ARHGAP24: variants seen among roughly 807,000 people sequenced by gnomAD.
ARHGAP24 encodes Rho GTPase activating protein 24.
In ARHGAP24, 50 loss-of-function variants were observed where a neutral mutation model predicts 76.4. The observed-to-expected ratio is 0.65, with a 90% confidence interval of 0.52 to 0.83. The LOEUF is 0.83. ARHGAP24 is among the 40% of genes least tolerant of loss of function. ARHGAP24 has a pLI of 0.00. For synonymous variants in ARHGAP24, 345 were observed against 323.3 expected, an observed-to-expected ratio of 1.07 and a Z score of -0.72; for missense variants, 930 against 914.2, an observed-to-expected ratio of 1.02 and a Z score of -0.22.
chr4:85,894,886 A>T (rs2148783286), intron 3 of ARHGAP24, among the ~76,000 whole-genome samples: 1 of 146,168 alleles, frequency 6.8e-6, no homozygotes, highest in South Asian at 2.3e-4. Flanking sequence ...TCTTGCACCC[A>T]GGAGGCAGAG....
chr4:85,495,420 G>A (rs372931273), intron 1 of ARHGAP24, among the ~76,000 whole-genome samples: 1 of 143,874 alleles, frequency 7.0e-6, no homozygotes. Flanking sequence ...GCGCGATCTC[G>A]GCTCACTGCA....
intron 7 of ARHGAP24, among the ~76,000 whole-genome samples, chr4:85,976,022 C>T (rs1260582515): frequency 1.3e-5 from 2 of 152,222 alleles, no homozygotes; most frequent in South Asian, 4.2e-4. Flanking sequence ...AATATGGAAG[C>T]TTATAATCCA....
chr4:85,533,990 C>A (rs1365712524), intron 1 of ARHGAP24, among the ~76,000 whole-genome samples: 1 of 152,108 alleles, frequency 6.6e-6, no homozygotes, highest in Non-Finnish European at 1.5e-5. Context: ...TGAATCTGCA[C>A]ATGAAAAGCT....
At chr4:85,484,728 T>C (rs1430837434) in intron 1 of ARHGAP24, among the ~76,000 whole-genome samples, 1 of 152,152 alleles carries the variant, frequency 6.6e-6, no homozygotes, top group Non-Finnish European at 1.5e-5. Flanking sequence ...GCGATTCTCC[T>C]GCCGTAGCCT....
At chr4:85,718,930 T>C (rs898979013) in intron 2 of ARHGAP24, among the ~76,000 whole-genome samples, 1 of 152,164 alleles carries the variant, frequency 6.6e-6, no homozygotes, top group African/African-American at 2.4e-5. Flanking sequence ...GTTGCTTGAA[T>C]TCAACTTATA....
chr4:85,700,258 A>G (rs893624170), intron 2 of ARHGAP24, among the ~76,000 whole-genome samples: 1 of 151,870 alleles, frequency 6.6e-6, no homozygotes, highest in Non-Finnish European at 1.5e-5. Flanking sequence ...AGCCAGGTGT[A>G]AGGATGGGTG....
chr4:85,565,525 C>T (rs752357416), intron 1 of ARHGAP24, among the ~76,000 whole-genome samples: 17 of 152,142 alleles, frequency 1.1e-4, no homozygotes, highest in Non-Finnish European at 1.9e-4. Flanking sequence ...CTCACTCACC[C>T]CACCAGACGC....
At chr4:85,917,282 T>G (rs1735469415) in intron 3 of ARHGAP24, among the ~76,000 whole-genome samples, 1 of 152,142 alleles carries the variant, frequency 6.6e-6, no homozygotes, top group Admixed American at 6.5e-5. Flanking sequence ...ATGGTGTATA[T>G]GTGCCACATT....
intron 3 of ARHGAP24, among the ~76,000 whole-genome samples, chr4:85,904,540 A>G (rs2148793699): frequency 6.6e-6 from 1 of 152,334 alleles, no homozygotes; most frequent in South Asian, 2.1e-4. Flanking sequence ...TACTAAATGA[A>G]ATTTGACAGG....
intron 4 of ARHGAP24, among the ~76,000 whole-genome samples, chr4:85,936,010 G>T (rs1736613592): frequency 1.3e-5 from 2 of 152,136 alleles, no homozygotes; most frequent in African/African-American, 2.4e-5. Context: ...AATAAGCTTT[G>T]CCTTGCTTTG....
intron 5 of ARHGAP24, among the ~76,000 whole-genome samples, chr4:85,961,876 T>C (rs1273685376): frequency 1.3e-5 from 2 of 152,062 alleles, no homozygotes; most frequent in Non-Finnish European, 2.9e-5. Context: ...CTTGGTTACA[T>C]AATCTAAAGT....
chr4:85,898,304 G>A (rs1472366305), intron 3 of ARHGAP24, among the ~76,000 whole-genome samples: 1 of 151,994 alleles, frequency 6.6e-6, no homozygotes, highest in Non-Finnish European at 1.5e-5. Flanking sequence ...GAGTTTCAGC[G>A]ACTTCCCTGT....
At chr4:86,000,180 G>A (rs911830244) in intron 9 of ARHGAP24, 11 of 276,222 alleles carry the variant, frequency 4.0e-5, no homozygotes, top group Non-Finnish European at 5.6e-5. Flanking sequence ...TCGTCTGCCC[G>A]GCATGTGTTA....
At chr4:85,753,439 G>A (rs17010773) in intron 3 of ARHGAP24, among the ~76,000 whole-genome samples, 4,666 of 152,186 alleles carry the variant, frequency 0.031, 212 homozygotes, top group African/African-American at 0.11. Context: ...AAAGCCTCAC[G>A]TACACATCAA....
chr4:85,502,443 C>T (rs1003149736), intron 1 of ARHGAP24, among the ~76,000 whole-genome samples: 2 of 152,070 alleles, frequency 1.3e-5, no homozygotes, highest in African/African-American at 4.8e-5. Flanking sequence ...CTTCACATCC[C>T]TTGTAAGTTG....
chr4:85,711,352 G>A (rs545485249), intron 2 of ARHGAP24, among the ~76,000 whole-genome samples: 9 of 152,010 alleles, frequency 5.9e-5, no homozygotes, highest in South Asian at 4.2e-4. Flanking sequence ...TGACAAACCC[G>A]GACACGTACC....
At position 86,000,493 on chromosome 4, in the gene ARHGAP24, A is replaced by G. The variant is rs1740951985; in HGVS notation, c.2018A>G (p.Asn673Ser). ...ATCCTTTGTAGCTTAGAACAGCGAA[A>G]CTTGACTTTGGAAACAGAAATGATG... The part of the protein sequence containing the change: ...ESRIKSLEQR[N>S]LTLETEMMSL... Residue 673 changes from asparagine to serine, a missense_variant, in exon 10 of 10, where the codon AAC becomes AGC. Asn to Ser is a conservative substitution (Grantham distance 46). Coordinates refer to ENST00000395184, the MANE Select transcript of ARHGAP24 (RefSeq NM_001025616.3). 1 of 1,452,842 alleles carries G rather than the reference A, an allele frequency of 6.9e-7. No individual in the cohort carries two copies. The highest frequency in any genetic ancestry group is 9.3e-7 in the Non-Finnish European group (1 of 1,079,352). 90.0% of individuals were successfully genotyped at this position (1,452,842 alleles called of 1,614,324 possible). A position where few individuals can be genotyped will look rare whatever the true frequency, so the allele number is the denominator to read the frequency against.
intron 1 of ARHGAP24, among the ~76,000 whole-genome samples, chr4:85,488,701 C>T (rs1723244209): frequency 6.6e-6 from 1 of 152,166 alleles, no homozygotes; most frequent in African/African-American, 2.4e-5. Context: ...AAATGCTCTC[C>T]TAAGACATCT....
chr4:85,493,964 T>A (rs190501215), intron 1 of ARHGAP24, among the ~76,000 whole-genome samples: 1 of 152,272 alleles, frequency 6.6e-6, no homozygotes, highest in East Asian at 1.9e-4. Context: ...TTTCTTCTCT[T>A]CCTCATCGTG....
Sources: gnomAD v4.1 joint callset for allele counts (sites outside exome capture counted in the v4.1 genomes callset) on GRCh38, gnomAD v4.1.1 for gene constraint, MANE v1.5 for transcripts, NCBI Gene and HGNC (gene_info 2026-07-23, HGNC 2026-07-21) for gene names.